Variants in CCSER2 observed in about 807,000 individuals in gnomAD.
CCSER2 encodes serine-rich coiled-coil domain-containing protein 2.
Under a neutral mutation model 92.3 loss-of-function variants are expected in CCSER2, and 46 were observed. The observed-to-expected ratio is 0.50, with a 90% CI of 0.39 to 0.64. The LOEUF is 0.64. Among genes scored for constraint, CCSER2 ranks in the 30% least tolerant of loss-of-function variants. The probability of loss-of-function intolerance (pLI) is 0.00; values close to 1 mark genes in which losing one functional copy is unlikely to be tolerated. For synonymous variants in CCSER2, 433 were observed against 431.4 expected (o/e 1.00, Z -0.04); for missense variants, 1,244 against 1,238.9 (o/e 1.00, Z -0.06).
rs1564667385 is a variant in CCSER2, at chr10:84,441,734, A to ATTTTTTTTTT, written c.2064+3028_2064+3029insTTTTTTTTTT. Among the ~76,000 whole-genome samples, 44 of 106,448 alleles carry ATTTTTTTTTT rather than the reference A, an allele frequency of 4.1e-4. 5 individuals are homozygous for ATTTTTTTTTT. The highest frequency in any genetic ancestry group is 6.7e-4 in the South Asian group (2 of 2,964). The allele number at this position is 106,448 out of a possible 152,430, so 69.8% of individuals were successfully genotyped here. On this transcript the variant is annotated intron_variant, in intron 6 of 9. Transcript: ENST00000372088. ...GGGAATAAAGTAGAAGACTGGGAAA[A>ATTTTTTTTTT]TGTTTTTTTTTTTTTTTTTTTTTTT...
chr10:84,510,546 A>G (rs1406002688), intron 9 of CCSER2, among the ~76,000 whole-genome samples: 1 of 152,146 alleles, frequency 6.6e-6, no homozygotes, highest in African/African-American at 2.4e-5. Context: ...ATTCATTCCT[A>G]TTTGTCTTAG....
At chr10:84,375,313 C>T (rs140770427) in intron 3 of CCSER2, among the ~76,000 whole-genome samples, 1 of 152,210 alleles carries the variant, frequency 6.6e-6, no homozygotes, top group African/African-American at 2.4e-5. Flanking sequence ...AAAAAACATC[C>T]ATTCTGTGCT....
At chr10:84,447,394 T>C (rs1301239390) in intron 6 of CCSER2, among the ~76,000 whole-genome samples, 2 of 152,248 alleles carry the variant, frequency 1.3e-5, no homozygotes, top group Non-Finnish European at 2.9e-5. Flanking sequence ...TGCCCGATCA[T>C]ATGTTTTGTG....
rs371805093 is a variant in CCSER2, at chr10:84,334,810, G to A, written c.-40+6002G>A. On this transcript the variant is annotated intron_variant, in intron 1 of 9. Transcript: ENST00000372088. ...AAAGAGTTACTTGGTAAAGGAATTT[G>A]CTATTGATTTTTTTCTACAACCATT... Among the ~76,000 whole-genome samples, 4 of 152,124 alleles carry A rather than the reference G, an allele frequency of 2.6e-5. No individual in the cohort carries two copies. The South Asian group carries it at 8.3e-4, about 31-fold the overall frequency.
intron 9 of CCSER2, among the ~76,000 whole-genome samples, chr10:84,478,265 C>T (rs554254721): frequency 6.6e-6 from 1 of 152,234 alleles, no homozygotes; most frequent in African/African-American, 2.4e-5. Flanking sequence ...AATACTCTAT[C>T]ATTTAATCTG....
chr10:84,380,935 T>C (rs1056290783), intron 3 of CCSER2, among the ~76,000 whole-genome samples: 1 of 152,178 alleles, frequency 6.6e-6, no homozygotes, highest in African/African-American at 2.4e-5. Context: ...GACCTCGTGA[T>C]CTGCCCACCT....
chr10:84,514,232 C>A lies in CCSER2; in HGVS notation c.3109C>A (p.Arg1037=), dbSNP rs936472463. The change falls in exon 10 of 10, where the codon CGA becomes AGA. Residue 1037 remains arginine (R), a synonymous_variant. Transcript: ENST00000372088. Reference sequence around the variant, plus strand: ...TTCTGGGGATTGTTTGGCCTCTAATCGATATTCTCGTCTTCCTAAACCAAA... The same window carrying A: ...TTCTGGGGATTGTTTGGCCTCTAATAGATATTCTCGTCTTCCTAAACCAAA... The part of the protein sequence containing the change: ...LHSGDCLASN[R]YSRLPKPKIH 1 of 1,536,306 alleles carries A rather than the reference C, an allele frequency of 6.5e-7. No homozygotes were observed. Among genetic ancestry groups the A allele is most frequent in the East Asian group, 2.4e-5 (1 of 40,914 alleles).
intron 9 of CCSER2, among the ~76,000 whole-genome samples, chr10:84,501,834 A>AAAAATATATATATAT (rs1167460274): frequency 2.5e-5 from 1 of 40,150 alleles, no homozygotes; most frequent in African/African-American, 4.7e-5. Context: ...AAAAAAAAAA[A>AAAAATATATATATAT]ATATATATAT....
intron 9 of CCSER2, among the ~76,000 whole-genome samples, chr10:84,489,414 G>T (rs1452151302): frequency 1.3e-5 from 2 of 152,136 alleles, no homozygotes; most frequent in African/African-American, 2.4e-5. Flanking sequence ...TTATGAATCT[G>T]GGTGCTCCTG....
At chr10:84,352,181 A>G (rs1024243996) in intron 1 of CCSER2, among the ~76,000 whole-genome samples, 2 of 152,100 alleles carry the variant, frequency 1.3e-5, no homozygotes, top group African/African-American at 4.8e-5. Flanking sequence ...GCACACGCCT[A>G]TAGTCCCAGG....
intron 9 of CCSER2, among the ~76,000 whole-genome samples, chr10:84,495,539 G>T (rs1276177604): frequency 6.6e-6 from 1 of 152,100 alleles, no homozygotes; most frequent in African/African-American, 2.4e-5. Context: ...TTTATCAGTT[G>T]TTGGGATGGG....
chr10:84,465,239 T>TTG lies in CCSER2; in HGVS notation c.2148+1274_2148+1275dup, dbSNP rs59254139. On this transcript the variant is annotated intron_variant, in intron 7 of 9. Transcript: ENST00000372088. ...AGCAAAGTTGACCTCTTTCCTGAAT[T>TTG]TGTGTGTGTGTGTGTGTGTGTGTGT... Among the ~76,000 whole-genome samples, 316 of 106,838 alleles carry TTG rather than the reference T, an allele frequency of 3.0e-3. 6 individuals are homozygous for TTG. Among genetic ancestry groups the TTG allele is most frequent in the Admixed American group, 3.9e-3 (35 of 8,962 alleles). 70.1% of individuals were successfully genotyped at this position (106,838 alleles called of 152,430 possible).
intron 6 of CCSER2, among the ~76,000 whole-genome samples, chr10:84,460,412 C>T (rs562297345): frequency 9.7e-4 from 148 of 151,926 alleles, no homozygotes; most frequent in African/African-American, 3.5e-3. Flanking sequence ...ACTTCTGCAT[C>T]CTTATACATG....
At chr10:84,446,321 A>G (rs1049634305) in intron 6 of CCSER2, among the ~76,000 whole-genome samples, 1 of 152,242 alleles carries the variant, frequency 6.6e-6, no homozygotes, top group Non-Finnish European at 1.5e-5. Flanking sequence ...CAAATGTGAT[A>G]TACAAATGTT....
intron 9 of CCSER2, among the ~76,000 whole-genome samples, chr10:84,497,158 A>G (rs1350778738): frequency 6.6e-6 from 1 of 152,208 alleles, no homozygotes; most frequent in African/African-American, 2.4e-5. Flanking sequence ...GATTCCACCA[A>G]TTGCTGTGGG....
intron 6 of CCSER2, chr10:84,452,374 A>G (rs1165350629): frequency 6.6e-6 from 1 of 152,180 alleles, no homozygotes; most frequent in Non-Finnish European, 1.5e-5. Context: ...TTAGAACAAA[A>G]GTTTGCCATT....
At chr10:84,347,404 G>A (rs1481223043) in intron 1 of CCSER2, among the ~76,000 whole-genome samples, 2 of 150,890 alleles carry the variant, frequency 1.3e-5, no homozygotes, top group Non-Finnish European at 3.0e-5. Flanking sequence ...GCCGGGGAGG[G>A]GGGGTGCTGA....
At chr10:84,348,238 G>A (rs897032430) in intron 1 of CCSER2, among the ~76,000 whole-genome samples, 1 of 152,246 alleles carries the variant, frequency 6.6e-6, no homozygotes, top group Non-Finnish European at 1.5e-5. Context: ...ATCACTCGCG[G>A]TTAGGAGCTG....
chr10:84,329,621 G>A (rs1444826587), intron 1 of CCSER2, among the ~76,000 whole-genome samples: 4 of 152,136 alleles, frequency 2.6e-5, no homozygotes, highest in Admixed American at 2.0e-4. Flanking sequence ...ATTAAAATAT[G>A]ACGGAACCTA....
Sources: gnomAD v4.1 joint callset for allele counts (sites outside exome capture counted in the v4.1 genomes callset) on GRCh38, gnomAD v4.1.1 for gene constraint, MANE v1.5 for transcripts, NCBI Gene and HGNC (gene_info 2026-07-23, HGNC 2026-07-21) for gene names.